PDGFRA: variants seen among roughly 807,000 people sequenced by gnomAD.
PDGFRA encodes the protein platelet derived growth factor receptor alpha.
A neutral mutation model predicts 121.5 loss-of-function variants in PDGFRA; 25 were observed. The ratio of observed to expected loss-of-function variants is 0.21; its 90% CI spans 0.15 to 0.29. The LOEUF (loss-of-function observed/expected upper bound fraction) is 0.29. Among genes scored for constraint, PDGFRA ranks in the 10% least tolerant of loss-of-function variants. The pLI is 1.00. For synonymous variants in PDGFRA, 463 were observed against 494.8 expected, an observed-to-expected ratio of 0.94 and a Z score of 0.85; for missense variants, 1,008 against 1,345.1, an observed-to-expected ratio of 0.75 and a Z score of 3.92.
chr4:54,290,701 G>C, intron 22 of PDGFRA, 147 bp downstream of exon 22: 2 of 903,352 alleles, frequency 2.2e-6, no homozygotes, highest in Admixed American at 3.7e-5. Context: ...AGGTCCACGT[G>C]GTTTTGAAAA....
intron 1 of PDGFRA, among the ~76,000 whole-genome samples, chr4:54,241,067 C>G (rs999769025): frequency 2.0e-5 from 3 of 152,124 alleles, no homozygotes; most frequent in African/African-American, 7.2e-5. Flanking sequence ...GCTCATGTAA[C>G]TTAAGTTTAC....
At chr4:54,269,845 T>G (rs1024041742) in intron 7 of PDGFRA, among the ~76,000 whole-genome samples, 7 of 149,456 alleles carry the variant, frequency 4.7e-5, no homozygotes, top group Non-Finnish European at 1.0e-4. Flanking sequence ...GAGATGGGGG[T>G]TTCACCATGT....
chr4:54,297,842 A>G lies in PDGFRA; in HGVS notation c.*2570A>G, dbSNP rs751200134. 4.3e-6 allele frequency: 1 copy of G among 233,540 alleles called. No individual in the cohort carries two copies. Among genetic ancestry groups the G allele is most frequent in the Non-Finnish European group, 8.5e-6 (1 of 118,030 alleles). 14.5% of individuals were successfully genotyped at this position (233,540 alleles called of 1,614,324 possible). A position where few individuals can be genotyped will look rare whatever the true frequency, so the allele number is the denominator to read the frequency against. On this transcript the variant is annotated 3_prime_UTR_variant, in exon 23 of 23. Transcript: ENST00000257290. ...GATGTCCTTAAAATGTGGTCTGCCAATCTGTACAAAATGGTCCTATTTTTG... is the reference window on the plus strand; with the variant it reads ...GATGTCCTTAAAATGTGGTCTGCCAGTCTGTACAAAATGGTCCTATTTTTG...
In PDGFRA at chr4:54,229,595, G is replaced by A. The variant is rs1041790610; in HGVS notation, c.-13+180G>A. 1.2e-4 allele frequency among the ~76,000 whole-genome samples: 18 copies of A among 151,568 alleles called. 1 individual carries two copies. Among genetic ancestry groups the A allele is most frequent in the Admixed American group, 1.1e-3 (16 of 15,234 alleles). On this transcript the variant is annotated intron_variant, in intron 1 of 22. Coordinates refer to ENST00000257290, the MANE Select transcript of PDGFRA (RefSeq NM_006206.6). ...TTCGGAATAAACTTCACTTGGGGAC[G>A]GGTGGGAGATAACCATAGAGTTAGA...
intron 22 of PDGFRA, among the ~76,000 whole-genome samples, chr4:54,290,768 T>C (rs1724590945): frequency 6.6e-6 from 1 of 152,172 alleles, no homozygotes; most frequent in South Asian, 2.1e-4. Flanking sequence ...GATGTGCATG[T>C]TGTGGGGAGA....
Position 54,270,723 on chromosome 4 carries a change from C to A in PDGFRA, c.1212C>A (p.Ser404Arg). The part of the protein sequence containing the change: ...IVAQNEDAVK[S>R]YTFELLTQVP... ...CTCAAAATGAAGATGCTGTGAAGAG[C>A]TATACTTTTGAACTGTTAACTCAAG... The change falls in exon 8 of 23, where the codon AGC becomes AGA. Residue 404 changes from serine (S) to arginine (R), a missense_variant. This residue lies in a region of PDGFRA where 575 missense variants were observed against 701.8 expected (regional missense o/e 0.82). Coordinates refer to ENST00000257290, the MANE Select transcript of PDGFRA (RefSeq NM_006206.6). 6.3e-7 allele frequency: 1 copy of A among 1,597,318 alleles called. No individual in the cohort carries two copies. The highest frequency in any genetic ancestry group is 8.6e-7 in the Non-Finnish European group (1 of 1,164,768).
Position 54,259,312 on chromosome 4 carries a change from T to A in PDGFRA, c.49+495T>A, listed in dbSNP as rs116727309. On this transcript the variant is annotated intron_variant, in intron 2 of 22. Coordinates refer to ENST00000257290, the MANE Select transcript of PDGFRA (RefSeq NM_006206.6). ...TCCAGCAACATAGCAAGACCTCATTTAAAAAAAATGTTCAAAGGAAATAAA... is the reference window on the plus strand; with the variant it reads ...TCCAGCAACATAGCAAGACCTCATTAAAAAAAAATGTTCAAAGGAAATAAA... Among the ~76,000 whole-genome samples, 866 of 152,060 alleles carry A rather than the reference T, an allele frequency of 5.7e-3. 10 individuals are homozygous for A. Among genetic ancestry groups the A allele is most frequent in the African/African-American group, 0.02 (830 of 41,482 alleles).
chr4:54,260,197 A>G (rs1722609107), intron 2 of PDGFRA, among the ~76,000 whole-genome samples: 1 of 152,184 alleles, frequency 6.6e-6, no homozygotes, highest in African/African-American at 2.4e-5. Flanking sequence ...CCTGGGTGAC[A>G]GAGCAAGACT....
chr4:54,259,389 C>T (rs1291139385), intron 2 of PDGFRA, among the ~76,000 whole-genome samples: 1 of 152,226 alleles, frequency 6.6e-6, no homozygotes, highest in Non-Finnish European at 1.5e-5. Context: ...TCATAACTCT[C>T]TTGAGGAAAG....
At chr4:54,267,186 C>G in intron 5 of PDGFRA, 103 bp from the exon 6 acceptor site, 1 of 1,112,014 alleles carries the variant, frequency 9.0e-7, no homozygotes, top group South Asian at 1.2e-5. Flanking sequence ...ACTGCTGAAC[C>G]TCCATTGACA....
rs543978675 is a variant in PDGFRA, at chr4:54,266,131, T to TAATCCTTAAC, written c.759+1084_759+1093dup. Among the ~76,000 whole-genome samples the TAATCCTTAAC allele has an allele frequency of 7.2e-5, 11 of 152,358 alleles. No homozygotes were observed. The South Asian group carries it at 1.2e-3, about 17-fold the overall frequency. On this transcript the variant is annotated intron_variant, in intron 5 of 22. Transcript: ENST00000257290. ...TCTTCTGTTCATACTTGATTGACTT[T>TAATCCTTAAC]AATCCTTAACACATAAACACTGCTT...
chr4:54,232,967 C>G lies in PDGFRA; in HGVS notation c.-13+3552C>G, dbSNP rs914950435. On this transcript the variant is annotated intron_variant, in intron 1 of 22. Coordinates refer to ENST00000257290, the MANE Select transcript of PDGFRA (RefSeq NM_006206.6). Reference sequence around the variant, plus strand: ...TGAGCCGCTACCCACGGCCGTGCGGCTCTCGTGCCCATAGGAGGCGCTGGC... The same window carrying G: ...TGAGCCGCTACCCACGGCCGTGCGGGTCTCGTGCCCATAGGAGGCGCTGGC... Among the ~76,000 whole-genome samples, 7 of 152,346 alleles carry G rather than the reference C, an allele frequency of 4.6e-5. No individual in the cohort carries two copies. The South Asian group carries it at 1.4e-3, about 32-fold the overall frequency.
At chr4:54,249,549 C>T (rs527306974) in intron 1 of PDGFRA, among the ~76,000 whole-genome samples, 1 of 152,168 alleles carries the variant, frequency 6.6e-6, no homozygotes, top group Non-Finnish European at 1.5e-5. Flanking sequence ...AAACCAAATG[C>T]CGCATATTCT....
At chr4:54,255,490 T>C (rs895131840) in intron 1 of PDGFRA, among the ~76,000 whole-genome samples, 2 of 151,306 alleles carry the variant, frequency 1.3e-5, no homozygotes, top group African/African-American at 2.4e-5. Context: ...AAGAAAACGC[T>C]GAATTTCTCC....
At chr4:54,284,844 C>A (rs1442524909) in intron 16 of PDGFRA, among the ~76,000 whole-genome samples, 1 of 145,806 alleles carries the variant, frequency 6.9e-6, no homozygotes, top group Non-Finnish European at 1.5e-5. Context: ...ATATATGTTT[C>A]TGCATATCTC....
intron 16 of PDGFRA, among the ~76,000 whole-genome samples, chr4:54,282,149 G>T (rs1724112109): frequency 6.6e-6 from 1 of 152,016 alleles, no homozygotes; most frequent in Non-Finnish European, 1.5e-5. Flanking sequence ...TGGTCCTTGT[G>T]GCTGTGTGTG....
At chr4:54,273,487 G>T in intron 9 of PDGFRA, 50 bp from the exon 10 acceptor site, 1 of 1,483,798 alleles carries the variant, frequency 6.7e-7, no homozygotes, top group Non-Finnish European at 9.4e-7. Context: ...TCCACTCATT[G>T]CCATGACTCT....
intron 1 of PDGFRA, among the ~76,000 whole-genome samples, chr4:54,234,706 T>TG (rs548179811): frequency 3.0e-4 from 45 of 152,084 alleles, no homozygotes; most frequent in African/African-American, 1.1e-3. Context: ...AGGAGGGTAG[T>TG]GGGGGGGCAT....
At chr4:54,248,048 G>C (rs868480346) in intron 1 of PDGFRA, among the ~76,000 whole-genome samples, 203 of 152,172 alleles carry the variant, frequency 1.3e-3, no homozygotes, top group African/African-American at 4.7e-3. Flanking sequence ...ACAAACCACT[G>C]CTCAATGAAA....
Sources: allele counts gnomAD v4.1 joint callset (sites outside exome capture counted in the v4.1 genomes callset), GRCh38; gene constraint gnomAD v4.1.1; regional missense constraint gnomAD v4.1.1; transcripts MANE v1.5; gene names NCBI Gene and HGNC (gene_info 2026-07-23, HGNC 2026-07-21).